Variants in LUZP2 observed in about 807,000 individuals in gnomAD.
LUZP2 encodes the protein leucine zipper protein 2.
In LUZP2, 52 loss-of-function variants were observed where a neutral mutation model predicts 51.6. The observed-to-expected ratio is 1.01, with a 90% CI of 0.81 to 1.27. The LOEUF (loss-of-function observed/expected upper bound fraction) is 1.27, where lower values mean the gene tolerates loss of function less well. Ranked by LOEUF, LUZP2 falls within the 50% of genes most tolerant of loss-of-function variation. LUZP2 has a pLI of 0.00. For synonymous variants in LUZP2, 154 were observed against 137.3 expected, an observed-to-expected ratio of 1.12 and a Z score of -0.85; for missense variants, 436 against 395.4, an observed-to-expected ratio of 1.10 and a Z score of -0.87.
In LUZP2 at chr11:24,963,596, G is replaced by A. The variant is rs539997800; in HGVS notation, c.523-12995G>A. 1.8e-3 allele frequency among the ~76,000 whole-genome samples: 221 copies of A among 125,496 alleles called. 2 individuals carry two copies. Among genetic ancestry groups the A allele is most frequent in the African/African-American group, 3.0e-3 (123 of 40,814 alleles). The allele number at this position is 125,496 out of a possible 152,430, so 82.3% of individuals were successfully genotyped here. ...TGTGCGGGATATAATCTCCTGGTGC[G>A]CCGTTTTTTAAGCCCGTCAGAAAGG... On this transcript the variant is annotated intron_variant, in intron 7 of 11. Transcript: ENST00000336930.
intron 9 of LUZP2, among the ~76,000 whole-genome samples, chr11:25,027,625 A>G (rs561628683): frequency 1.3e-5 from 2 of 152,144 alleles, no homozygotes; most frequent in Admixed American, 6.6e-5. Context: ...TAATCCCAGC[A>G]CTTTGGGAGG....
chr11:24,876,652 G>C (rs1020242059), intron 5 of LUZP2, among the ~76,000 whole-genome samples: 1 of 151,946 alleles, frequency 6.6e-6, no homozygotes, highest in Non-Finnish European at 1.5e-5. Context: ...TTGGTAGCTT[G>C]ATGGGGATGG....
intron 9 of LUZP2, among the ~76,000 whole-genome samples, chr11:24,983,837 C>A (rs1385177791): frequency 7.0e-6 from 1 of 142,826 alleles, no homozygotes. Context: ...TTGAGTTAGA[C>A]TCCAGTTATC....
At chr11:24,768,662 A>G (rs1052246495) in intron 5 of LUZP2, among the ~76,000 whole-genome samples, 1 of 152,192 alleles carries the variant, frequency 6.6e-6, no homozygotes, top group Non-Finnish European at 1.5e-5. Context: ...TACTCCCAAC[A>G]TCACTAATCA....
intron 1 of LUZP2, among the ~76,000 whole-genome samples, chr11:24,594,733 T>A (rs1853374221): frequency 6.7e-6 from 1 of 148,964 alleles, no homozygotes; most frequent in Non-Finnish European, 1.5e-5. Context: ...TGGCATTCAA[T>A]ATAGCGGTTT....
At chr11:25,031,166 C>T (rs903111946) in intron 9 of LUZP2, among the ~76,000 whole-genome samples, 1 of 149,548 alleles carries the variant, frequency 6.7e-6, no homozygotes, top group Non-Finnish European at 1.5e-5. Flanking sequence ...CACGTGCCAC[C>T]ACACCTGGCT....
chr11:24,811,294 C>A (rs1428427214), intron 5 of LUZP2, among the ~76,000 whole-genome samples: 3 of 152,082 alleles, frequency 2.0e-5, no homozygotes, highest in Non-Finnish European at 4.4e-5. Flanking sequence ...TTCCATATTC[C>A]ATATCACTTT....
intron 7 of LUZP2, among the ~76,000 whole-genome samples, chr11:24,932,530 A>G (rs1437733600): frequency 6.6e-6 from 1 of 152,098 alleles, no homozygotes; most frequent in Non-Finnish European, 1.5e-5. Context: ...TTATGTTCCC[A>G]GAAGAATTAT....
intron 7 of LUZP2, among the ~76,000 whole-genome samples, chr11:24,941,270 T>C (rs1854737876): frequency 6.6e-6 from 1 of 152,322 alleles, no homozygotes; most frequent in East Asian, 1.9e-4. Context: ...AGTATGTTTT[T>C]CCAAAATATT....
chr11:24,792,204 G>C (rs189541545), intron 5 of LUZP2, among the ~76,000 whole-genome samples: 1 of 151,870 alleles, frequency 6.6e-6, no homozygotes, highest in Admixed American at 6.6e-5. Context: ...GGAGGCAGGC[G>C]GGCCATGAGG....
chr11:24,809,641 A>G (rs1849958140), intron 5 of LUZP2, among the ~76,000 whole-genome samples: 1 of 152,200 alleles, frequency 6.6e-6, no homozygotes, highest in Non-Finnish European at 1.5e-5. Flanking sequence ...CTTTCTGAAA[A>G]TGAGGGAGTT....
chr11:24,903,160 C>G (rs1386989069), intron 5 of LUZP2, among the ~76,000 whole-genome samples: 2 of 152,130 alleles, frequency 1.3e-5, no homozygotes, highest in South Asian at 4.1e-4. Context: ...AGAGCCAGAA[C>G]ATATCAGTGT....
intron 7 of LUZP2, among the ~76,000 whole-genome samples, chr11:24,935,770 C>T (rs1854569572): frequency 6.6e-6 from 1 of 152,014 alleles, no homozygotes; most frequent in African/African-American, 2.4e-5. Flanking sequence ...CATGTCATAA[C>T]ATTTTTTTAA....
chr11:24,646,132 G>T (rs75641589), intron 1 of LUZP2, among the ~76,000 whole-genome samples: 1,583 of 152,126 alleles, frequency 0.01, 18 homozygotes, highest in South Asian at 0.023. Context: ...GTGATTATTT[G>T]ACCAGATTTA....
At chr11:25,046,479 C>A (rs780811425) in intron 9 of LUZP2, among the ~76,000 whole-genome samples, 21 of 152,006 alleles carry the variant, frequency 1.4e-4, no homozygotes, top group Admixed American at 2.6e-4. Context: ...TCAGTACTGA[C>A]CCTAATTTTA....
chr11:24,938,143 C>A (rs950236224), intron 7 of LUZP2, among the ~76,000 whole-genome samples: 1 of 151,974 alleles, frequency 6.6e-6, no homozygotes, highest in African/African-American at 2.4e-5. Flanking sequence ...TGAGAAAACA[C>A]AGGTTCTAAG....
chr11:24,969,556 A>G (rs1296643564), intron 7 of LUZP2, among the ~76,000 whole-genome samples: 1 of 152,148 alleles, frequency 6.6e-6, no homozygotes, highest in Non-Finnish European at 1.5e-5. Context: ...ACATCTTCAT[A>G]TTACTCTGCA....
intron 10 of LUZP2, among the ~76,000 whole-genome samples, chr11:25,074,788 C>T (rs1859252545): frequency 6.6e-6 from 1 of 152,006 alleles, no homozygotes; most frequent in African/African-American, 2.4e-5. Context: ...AATTATCACC[C>T]TGGTGTGTTT....
intron 5 of LUZP2, among the ~76,000 whole-genome samples, chr11:24,863,795 C>T (rs1202207656): frequency 6.6e-6 from 1 of 152,126 alleles, no homozygotes; most frequent in African/African-American, 2.4e-5. Context: ...CACTCAACCT[C>T]AGCAGCCTGA....
Sources: allele counts gnomAD v4.1 joint callset (sites outside exome capture counted in the v4.1 genomes callset), GRCh38; gene constraint gnomAD v4.1.1; transcripts MANE v1.5; gene names NCBI Gene and HGNC (gene_info 2026-07-23, HGNC 2026-07-21).